SCHIP1: variants seen among roughly 807,000 people sequenced by gnomAD.
SCHIP1 encodes schwannomin interacting protein 1, also known as schwannomin-interacting protein 1.
A neutral mutation model predicts 29.7 loss-of-function variants in SCHIP1; 8 were observed. That is an observed-to-expected ratio of 0.27 (90% CI 0.16 to 0.49). SCHIP1 has a LOEUF of 0.49. Ranked by LOEUF, SCHIP1 falls within the 20% of genes least tolerant of loss-of-function variation. The pLI is 0.99. For synonymous variants in SCHIP1, 76 were observed against 94.9 expected (o/e 0.80, Z 1.16); for missense variants, 193 against 294.6 (o/e 0.66, Z 2.52).
At chr3:159,564,381 AT>A in the SCHIP1 span, among the ~76,000 whole-genome samples, 3,698 of 145,178 alleles carry the variant, frequency 0.025, 116 homozygotes, top group East Asian at 0.18. Flanking sequence ...CGTTATCTTG[AT>A]TTTTTTTTTT....
chr3:159,690,035 T>G, the SCHIP1 span, among the ~76,000 whole-genome samples: 1 of 152,238 alleles, frequency 6.6e-6, no homozygotes, highest in Non-Finnish European at 1.5e-5. Flanking sequence ...TAGATGTTCA[T>G]CAGGGATATT....
chr3:159,438,688 T>G, the SCHIP1 span, among the ~76,000 whole-genome samples: 1 of 152,160 alleles, frequency 6.6e-6, no homozygotes, highest in African/African-American at 2.4e-5. Context: ...TTCCCCCATG[T>G]GTCCATATTG....
intron 1 of SCHIP1, among the ~76,000 whole-genome samples, chr3:159,863,823 G>C (rs1334883381): frequency 6.6e-6 from 1 of 152,132 alleles, no homozygotes; most frequent in Non-Finnish European, 1.5e-5. Flanking sequence ...TGCAATTAAT[G>C]TAAATGGAAA....
At chr3:159,856,154 C>T (rs910785127) in intron 1 of SCHIP1, among the ~76,000 whole-genome samples, 6 of 152,182 alleles carry the variant, frequency 3.9e-5, no homozygotes, top group Admixed American at 2.6e-4. Flanking sequence ...TGATTGTCTT[C>T]AGGACCAACG....
At chr3:159,509,668 G>A in the SCHIP1 span, among the ~76,000 whole-genome samples, 1 of 152,152 alleles carries the variant, frequency 6.6e-6, no homozygotes, top group Non-Finnish European at 1.5e-5. Context: ...GCCTGGTGGT[G>A]ACAAAATCAC....
At chr3:159,764,833 C>T in the SCHIP1 span, 1 of 1,590,830 alleles carries the variant, frequency 6.3e-7, no homozygotes, top group African/African-American at 1.4e-5. The surrounding 1 kb of genome is among the most constrained non-coding windows in gnomAD (Gnocchi z 6.1). Flanking sequence ...CAACGGCAAC[C>T]TCCACCAGCA....
chr3:159,856,268 G>C (rs1377025977), intron 1 of SCHIP1, among the ~76,000 whole-genome samples: 1 of 152,140 alleles, frequency 6.6e-6, no homozygotes, highest in African/African-American at 2.4e-5. Context: ...ATCACCAAAG[G>C]GGGACTGAGC....
the SCHIP1 span, among the ~76,000 whole-genome samples, chr3:159,301,477 G>T: frequency 3.9e-5 from 6 of 152,078 alleles, no homozygotes; most frequent in Non-Finnish European, 8.8e-5. Flanking sequence ...TTTTTTAGGA[G>T]GTCATAGAAT....
chr3:159,506,240 A>T, the SCHIP1 span, among the ~76,000 whole-genome samples: 2 of 152,050 alleles, frequency 1.3e-5, no homozygotes, highest in Non-Finnish European at 2.9e-5. Flanking sequence ...GCATTTTTTC[A>T]TGTGTCTTTT....
At chr3:159,676,713 A>G in the SCHIP1 span, among the ~76,000 whole-genome samples, 2 of 152,202 alleles carry the variant, frequency 1.3e-5, no homozygotes, top group South Asian at 2.1e-4. Context: ...CAGCTGGAGT[A>G]GTCTACGACT....
At chr3:159,836,180 T>C (rs1295202531), upstream of SCHIP1, among the ~76,000 whole-genome samples, 1 of 152,192 alleles carries the variant, frequency 6.6e-6, no homozygotes, top group Non-Finnish European at 1.5e-5. Flanking sequence ...TATCATAAAC[T>C]GGGTAGCTTA....
chr3:159,505,984 C>T, the SCHIP1 span, among the ~76,000 whole-genome samples: 1 of 152,150 alleles, frequency 6.6e-6, no homozygotes, highest in African/African-American at 2.4e-5. Flanking sequence ...GGTATATACC[C>T]AGTAATGGGA....
At chr3:159,718,756 T>A in the SCHIP1 span, among the ~76,000 whole-genome samples, 2 of 152,288 alleles carry the variant, frequency 1.3e-5, no homozygotes, top group South Asian at 4.1e-4. Flanking sequence ...TGGAAGAACA[T>A]TCCATGCTCA....
the SCHIP1 span, among the ~76,000 whole-genome samples, chr3:159,693,802 G>C: frequency 1.3e-5 from 2 of 152,168 alleles, no homozygotes; most frequent in Non-Finnish European, 2.9e-5. Context: ...CAAAACTATA[G>C]AGCCTTCTTA....
At chr3:159,583,341 C>A in the SCHIP1 span, among the ~76,000 whole-genome samples, 1 of 152,092 alleles carries the variant, frequency 6.6e-6, no homozygotes, top group Admixed American at 6.6e-5. Flanking sequence ...ATATTTGAGA[C>A]CCACAAAGCA....
the SCHIP1 span, among the ~76,000 whole-genome samples, chr3:159,397,161 T>C: frequency 2.0e-5 from 3 of 151,800 alleles, no homozygotes; most frequent in African/African-American, 7.2e-5. Context: ...AGCCTTGGTT[T>C]TCAGCTCCAT....
chr3:159,516,449 G>A, the SCHIP1 span, among the ~76,000 whole-genome samples: 2 of 152,010 alleles, frequency 1.3e-5, no homozygotes, highest in East Asian at 1.9e-4. Context: ...TGTCAGACTC[G>A]TGTTCATAAA....
chr3:159,746,714 C>T, the SCHIP1 span, among the ~76,000 whole-genome samples: 21 of 152,294 alleles, frequency 1.4e-4, no homozygotes, highest in African/African-American at 4.3e-4. Flanking sequence ...TTCCCTATAT[C>T]CTGCAATATT....
the SCHIP1 span, among the ~76,000 whole-genome samples, chr3:159,609,133 A>T: frequency 6.6e-6 from 1 of 152,212 alleles, no homozygotes; most frequent in Admixed American, 6.5e-5. Flanking sequence ...TCAAAATTTC[A>T]AGAGAAGACA....
Sources: allele counts gnomAD v4.1 joint callset (sites outside exome capture counted in the v4.1 genomes callset), GRCh38; gene constraint gnomAD v4.1.1; non-coding constraint Gnocchi (gnomAD v3.1); transcripts MANE v1.5; gene names NCBI Gene and HGNC (gene_info 2026-07-23, HGNC 2026-07-21).